ACAN: variants seen among roughly 807,000 people sequenced by gnomAD.
The protein encoded by ACAN is aggrecan.
A neutral mutation model predicts 169.1 loss-of-function variants in ACAN; 47 were observed. That is an observed-to-expected ratio of 0.28 (90% CI 0.22 to 0.35). The LOEUF (loss-of-function observed/expected upper bound fraction) is 0.35. ACAN is among the 10% of genes least tolerant of loss of function. The probability of loss-of-function intolerance (pLI) is 1.00; values close to 1 mark genes in which losing one functional copy is unlikely to be tolerated. For synonymous variants in ACAN, 1,115 were observed against 1,112.2 expected (o/e 1.00, Z -0.05); for missense variants, 2,716 against 2,759.9 (o/e 0.98, Z 0.36).
Position 88,857,398 on chromosome 15 carries a change from G to C in ACAN, c.4813G>C (p.Asp1605His). Residue 1605 changes from aspartate to histidine, a missense_variant, in exon 12 of 19, where the codon GAC becomes CAC. By Grantham distance (81) the Asp-to-His change is moderately conservative. Transcript: ENST00000560601. ...DLVGSASGDL[D>H]LGKLPSGTLG... ...GGTGGGGTCAGCTTCTGGAGACTTG[G>C]ACTTGGGCAAACTGCCTTCTGGAAC... is the stretch of plus-strand genomic sequence containing the variant. 1 of 1,613,922 alleles carries C rather than the reference G, an allele frequency of 6.2e-7. No individual in the cohort carries two copies. Among genetic ancestry groups the C allele is most frequent in the African/African-American group, 1.3e-5 (1 of 75,048 alleles).
chr15:88,821,741 C>G (rs1025573194), intron 1 of ACAN, among the ~76,000 whole-genome samples: 1 of 152,106 alleles, frequency 6.6e-6, no homozygotes, highest in African/African-American at 2.4e-5. Flanking sequence ...TCCACTCAGC[C>G]AACACTGAAC....
rs1471434993 is a variant in ACAN, at chr15:88,843,839, G to T, written c.1051+191G>T. 6.6e-6 allele frequency among the ~76,000 whole-genome samples: 1 copy of T among 152,190 alleles called. No individual in the cohort carries two copies. The highest frequency in any genetic ancestry group is 6.5e-5 in the Admixed American group (1 of 15,288). ...GAAGCCCTAAGGTAGAGACTCTTGA[G>T]ACTGCAGCGTATCTAGCTCTGTCTC... On this transcript the variant is annotated intron_variant, in intron 6 of 18. Coordinates refer to ENST00000560601, the MANE Select transcript of ACAN (RefSeq NM_001369268.1). The surrounding 1 kb of genome is among the most constrained non-coding windows in gnomAD (Gnocchi z 4.0).
At chr15:88,862,536 C>G (rs774992507) in intron 13 of ACAN, among the ~76,000 whole-genome samples, 2 of 152,190 alleles carry the variant, frequency 1.3e-5, no homozygotes, top group African/African-American at 4.8e-5. Context: ...CAGCCCAGCA[C>G]AAAACCTGGG....
In ACAN at chr15:88,854,965, T is replaced by C; in HGVS notation, c.2380T>C (p.Phe794Leu). 6.2e-7 allele frequency: 1 copy of C among 1,600,940 alleles called. No individual in the cohort carries two copies. Among genetic ancestry groups the C allele is most frequent in the Non-Finnish European group, 8.5e-7 (1 of 1,174,146 alleles). Residue 794 changes from phenylalanine (F) to leucine (L), a missense_variant, in exon 12 of 19, where the codon TTC (phenylalanine) becomes CTC (leucine). Phe to Leu is a conservative substitution (Grantham distance 22, BLOSUM62 0). Coordinates refer to ENST00000560601, the MANE Select transcript of ACAN (RefSeq NM_001369268.1). ...SEEPSPSEVPFPSEEPSPSEE... is the reference protein window; with the variant it reads ...SEEPSPSEVPLPSEEPSPSEE... ...GGAACCATCCCCCTCAGAGGTGCCA[T>C]TCCCCTCAGAGGAGCCATCCCCCTC...
At chr15:88,837,007 C>T (rs1896521199) in intron 2 of ACAN, among the ~76,000 whole-genome samples, 1 of 152,240 alleles carries the variant, frequency 6.6e-6, no homozygotes, top group Non-Finnish European at 1.5e-5. Flanking sequence ...CTGCCCAAAT[C>T]TGCACTTCCC....
At chr15:88,835,974 G>C (rs1896492477) in intron 1 of ACAN, among the ~76,000 whole-genome samples, 1 of 152,226 alleles carries the variant, frequency 6.6e-6, no homozygotes, top group Non-Finnish European at 1.5e-5. Flanking sequence ...GGGAGGTTAG[G>C]TTTATTAGCC....
At position 88,859,215 on chromosome 15, in the gene ACAN, C is replaced by T. The variant is rs550992941; in HGVS notation, c.6630C>T (p.Gly2210=). ...GDLSGHTSQL[G]VVISTSIPES... ...TGTCTGGTCACACCTCGCAGCTGGG[C>T]GTTGTCATCAGCACCAGCATCCCAG... Residue 2210 remains glycine (G), a synonymous_variant, in exon 12 of 19, where the codon GGC becomes GGT. Coordinates refer to ENST00000560601, the MANE Select transcript of ACAN (RefSeq NM_001369268.1). The T allele has an allele frequency of 3.9e-5, 63 of 1,613,866 alleles. No individual in the cohort carries two copies. Among genetic ancestry groups the T allele is most frequent in the Middle Eastern group, 3.3e-4 (2 of 6,062 alleles).
chr15:88,855,247 G>T lies in ACAN; in HGVS notation c.2662G>T (p.Gly888Trp), dbSNP rs796698770. The change falls in exon 12 of 19, where the codon GGG becomes TGG. Residue 888 changes from glycine (G) to tryptophan (W), a missense_variant. By Grantham distance (184) the Gly-to-Trp change is radical. Coordinates refer to ENST00000560601, the MANE Select transcript of ACAN (RefSeq NM_001369268.1). ...GHLDFSGQLS[G>W]DRASGLPSGD... ...CCTTGACTTCAGTGGGCAGCTGTCA[G>T]GGGACAGGGCAAGTGGACTGCCCTC... 1 of 1,605,880 alleles carries T rather than the reference G, an allele frequency of 6.2e-7. No homozygotes were observed. Among genetic ancestry groups the T allele is most frequent in the South Asian group, 1.1e-5 (1 of 90,956 alleles).
At chr15:88,816,981 C>T (rs1039489262) in intron 1 of ACAN, among the ~76,000 whole-genome samples, 1 of 152,220 alleles carries the variant, frequency 6.6e-6, no homozygotes, top group African/African-American at 2.4e-5. Context: ...AGCCTACTCC[C>T]TTCCCCACTG....
Position 88,871,283 on chromosome 15 carries a change from G to A in ACAN, c.7061-99G>A. The A allele has an allele frequency of 6.6e-7, 1 of 1,520,174 alleles. No individual in the cohort carries two copies. Among genetic ancestry groups the A allele is most frequent in the Non-Finnish European group, 8.9e-7 (1 of 1,117,824 alleles). 94.2% of individuals were successfully genotyped at this position (1,520,174 alleles called of 1,614,324 possible). The stretch of plus-strand genomic sequence containing the variant: ...CTTCCCTTGAGGGCACAGCATGGAA[G>A]GTGGGGTGAACGCAGGAACCTATGC... On this transcript the variant is annotated intron_variant, in intron 14 of 18. Coordinates refer to ENST00000560601, the MANE Select transcript of ACAN (RefSeq NM_001369268.1). This position sits in a 1 kb window ranked among gnomAD's most constrained non-coding sequence, Gnocchi z 7.8.
At chr15:88,823,226 G>A (rs977981947) in intron 1 of ACAN, among the ~76,000 whole-genome samples, 4 of 152,182 alleles carry the variant, frequency 2.6e-5, no homozygotes, top group East Asian at 1.9e-4. Context: ...CAAGATCCCT[G>A]CCCAGGAAAG....
chr15:88,834,838 GT>G lies in ACAN; in HGVS notation c.-7-1361del, dbSNP rs1896461621. Among the ~76,000 whole-genome samples, 3 of 152,150 alleles carry G rather than the reference GT, an allele frequency of 2.0e-5. 1 individual carries two copies. The South Asian group carries it at 6.2e-4, about 32-fold the overall frequency. On this transcript the variant is annotated intron_variant, in intron 1 of 18. Transcript: ENST00000560601. ...CCTTCCAAGCTCTAAAAATCCTGAG[GT>G]CCAGGCTGAAGCCCAGGTGATTTCA...
intron 13 of ACAN, among the ~76,000 whole-genome samples, chr15:88,864,298 C>G (rs1418063133): frequency 6.6e-6 from 1 of 150,778 alleles, no homozygotes; most frequent in East Asian, 1.9e-4. Context: ...GACAGAGTCT[C>G]GCACTGTCAT....
intron 1 of ACAN, among the ~76,000 whole-genome samples, chr15:88,830,606 C>CTTTGTGTA (rs1896335240): frequency 6.6e-6 from 1 of 152,078 alleles, no homozygotes; most frequent in Non-Finnish European, 1.5e-5. Context: ...AAATACTTCC[C>CTTTGTGTA]TCTGTGTATC....
chr15:88,806,453 G>C (rs1013252011), intron 1 of ACAN, among the ~76,000 whole-genome samples: 19 of 152,050 alleles, frequency 1.2e-4, no homozygotes, highest in Admixed American at 1.2e-3. Flanking sequence ...CCAGGTTCAA[G>C]TGATTCTTGT....
At chr15:88,841,959 G>A (rs1896674093) in intron 5 of ACAN, 92 bp downstream of exon 5, 2 of 1,541,726 alleles carry the variant, frequency 1.3e-6, no homozygotes, top group African/African-American at 2.7e-5. Context: ...AGATCACACA[G>A]GCTGCCAGCT....
Position 88,845,519 on chromosome 15 carries a change from G to A in ACAN, c.1066G>A (p.Asp356Asn), listed in dbSNP as rs1024890615. ...AICYTGEDFV[D>N]IPENFFGVGG... ...CCCTCCCCTAGGTGAAGACTTTGTG[G>A]ACATCCCAGAAAACTTCTTTGGAGT... is the stretch of plus-strand genomic sequence containing the variant. The change falls in exon 7 of 19, where the codon GAC becomes AAC. Residue 356 changes from aspartate to asparagine, a missense_variant. By Grantham distance (23) the Asp-to-Asn change is conservative. Coordinates refer to ENST00000560601, the MANE Select transcript of ACAN (RefSeq NM_001369268.1). The A allele has an allele frequency of 1.6e-5, 26 of 1,608,254 alleles. No homozygotes were observed. The highest frequency in any genetic ancestry group is 2.2e-5 in the South Asian group (2 of 90,694).
intron 1 of ACAN, among the ~76,000 whole-genome samples, chr15:88,820,269 C>CA (rs1181630815): frequency 2.0e-5 from 3 of 152,290 alleles, no homozygotes; most frequent in Non-Finnish European, 2.9e-5. Flanking sequence ...ACAGGTGCTA[C>CA]AGGCAGCACG....
chr15:88,816,169 A>G (rs1397481820), intron 1 of ACAN, among the ~76,000 whole-genome samples: 1 of 152,198 alleles, frequency 6.6e-6, no homozygotes, highest in Admixed American at 6.5e-5. Flanking sequence ...TAACAACCTC[A>G]TCTTAACTTG....
Sources: gnomAD v4.1 joint callset for allele counts (sites outside exome capture counted in the v4.1 genomes callset) on GRCh38, gnomAD v4.1.1 for gene constraint, Gnocchi (gnomAD v3.1) non-coding constraint, MANE v1.5 for transcripts, NCBI Gene and HGNC (gene_info 2026-07-23, HGNC 2026-07-21) for gene names.